Variants in SHTN1 observed in about 807,000 individuals in gnomAD.
SHTN1 encodes shootin-1.
SHTN1 carries 42 observed loss-of-function variants against 83.1 expected under a neutral mutation model. The observed-to-expected ratio is 0.51, with a 90% CI of 0.39 to 0.65. The LOEUF (loss-of-function observed/expected upper bound fraction) is 0.65, where lower values mean the gene tolerates loss of function less well. Among genes scored for constraint, SHTN1 ranks in the 30% least tolerant of loss-of-function variants. The probability of loss-of-function intolerance (pLI) is 0.00; values close to 1 mark genes in which losing one functional copy is unlikely to be tolerated. For missense variants in SHTN1, 622 were observed against 737.8 expected (o/e 0.84, Z 1.82); for synonymous variants, 224 against 247.7 (o/e 0.90, Z 0.90).
rs1311031751 is a variant in SHTN1 at position 116,884,623 on chromosome 10, T to A, written c.*1721A>T. On this transcript the variant is annotated 3_prime_UTR_variant, in exon 17 of 17. Transcript: ENST00000355371. ...TGTGAGTTGCATGCTGGCAGACAGA[T>A]CACAGATGCAAGAAGGAAGACAGCA... 5.8e-6 allele frequency: 1 copy of A among 173,024 alleles called. No individual in the cohort carries two copies. 10.7% of individuals were successfully genotyped at this position (173,024 alleles called of 1,614,324 possible).
At chr10:117,125,081 A>T (rs1853983272) in intron 1 of SHTN1, among the ~76,000 whole-genome samples, 1 of 152,130 alleles carries the variant, frequency 6.6e-6, no homozygotes, top group South Asian at 2.1e-4. Context: ...CTGGCCTCAA[A>T]GCCACTTATA....
chr10:117,041,170 C>T (rs1045452195), intron 2 of SHTN1, among the ~76,000 whole-genome samples: 2 of 151,662 alleles, frequency 1.3e-5, no homozygotes, highest in Non-Finnish European at 2.9e-5. Context: ...AGCTCACACA[C>T]CTCTTGAGGA....
At chr10:117,052,376 C>A (rs1274555610) in intron 1 of SHTN1, among the ~76,000 whole-genome samples, 1 of 152,022 alleles carries the variant, frequency 6.6e-6, no homozygotes, top group East Asian at 1.9e-4. Context: ...ATATTCAATG[C>A]AATCCCTAGC....
At chr10:117,097,654 A>G (rs1853523530) in intron 1 of SHTN1, among the ~76,000 whole-genome samples, 1 of 152,218 alleles carries the variant, frequency 6.6e-6, no homozygotes, top group South Asian at 2.1e-4. Flanking sequence ...TACTAAAACT[A>G]CACCAAGTGC....
At chr10:117,069,897 C>A (rs1282580454) in intron 1 of SHTN1, among the ~76,000 whole-genome samples, 1 of 152,024 alleles carries the variant, frequency 6.6e-6, no homozygotes, top group Non-Finnish European at 1.5e-5. Context: ...TTATATCTAG[C>A]CAACAGATTG....
intron 1 of SHTN1, among the ~76,000 whole-genome samples, chr10:117,094,517 T>C (rs1484350133): frequency 6.6e-6 from 1 of 152,204 alleles, no homozygotes; most frequent in African/African-American, 2.4e-5. Context: ...GTTATTACCA[T>C]GTGTTTCTTT....
chr10:116,936,841 T>C (rs1564885885), intron 9 of SHTN1, among the ~76,000 whole-genome samples: 1 of 152,214 alleles, frequency 6.6e-6, no homozygotes. Context: ...TGAATCTGAG[T>C]GCTCCTGTAT....
chr10:116,989,616 G>A (rs1468967515), intron 1 of SHTN1, among the ~76,000 whole-genome samples: 1 of 152,106 alleles, frequency 6.6e-6, no homozygotes, highest in African/African-American at 2.4e-5. Flanking sequence ...TGGCACCAGA[G>A]GAATCTGCAA....
intron 1 of SHTN1, among the ~76,000 whole-genome samples, chr10:116,994,999 G>C (rs1384976662): frequency 6.6e-6 from 1 of 151,948 alleles, no homozygotes; most frequent in African/African-American, 2.4e-5. Context: ...GATATTCCTA[G>C]AAATCTAACA....
At chr10:117,019,292 C>A (rs561425007) in intron 2 of SHTN1, among the ~76,000 whole-genome samples, 1 of 151,766 alleles carries the variant, frequency 6.6e-6, no homozygotes, top group Non-Finnish European at 1.5e-5. Flanking sequence ...CAAGTGATTC[C>A]ACCATCTCAG....
chr10:116,926,868 A>C (rs2133373588), intron 11 of SHTN1, among the ~76,000 whole-genome samples: 1 of 152,324 alleles, frequency 6.6e-6, no homozygotes, highest in Middle Eastern at 3.4e-3. Context: ...GTGGAACCAC[A>C]AAAAAGGCAA....
chr10:116,995,375 T>C (rs1254248803), intron 1 of SHTN1, among the ~76,000 whole-genome samples: 1 of 152,124 alleles, frequency 6.6e-6, no homozygotes, highest in Non-Finnish European at 1.5e-5. Flanking sequence ...AAATTAAGAA[T>C]TAATTACATG....
Position 116,944,920 on chromosome 10 carries a change from C to T in SHTN1, c.711+4G>A, listed in dbSNP as rs1388417878. 6.3e-7 allele frequency: 1 copy of T among 1,576,148 alleles called. No homozygotes were observed. The highest frequency in any genetic ancestry group is 8.7e-7 in the Non-Finnish European group (1 of 1,145,958). On this transcript the variant is annotated splice_donor_region_variant and intron_variant, in intron 8 of 16. Coordinates refer to ENST00000355371, the MANE Select transcript of SHTN1 (RefSeq NM_001127211.3). ...AAAAAATAAGATTTTTACAAGATAC[C>T]CACCTCTTGTGCAAATGACTCTGCT...
chr10:117,039,109 G>A (rs1410347321), intron 2 of SHTN1, among the ~76,000 whole-genome samples: 3 of 152,190 alleles, frequency 2.0e-5, no homozygotes, highest in Non-Finnish European at 4.4e-5. Flanking sequence ...TTCAGTACAT[G>A]AGTGATAAAT....
At chr10:116,983,594 G>A (rs1851107964) in intron 1 of SHTN1, among the ~76,000 whole-genome samples, 1 of 151,918 alleles carries the variant, frequency 6.6e-6, no homozygotes, top group Non-Finnish European at 1.5e-5. Flanking sequence ...CCTGCTTCAA[G>A]ATTGTGATTT....
At chr10:117,125,665 CTTTT>C (rs1457127731) in intron 1 of SHTN1, among the ~76,000 whole-genome samples, 2 of 152,154 alleles carry the variant, frequency 1.3e-5, no homozygotes, top group Non-Finnish European at 2.9e-5. Flanking sequence ...ATTTCCTTTT[CTTTT>C]TCTCTCCCCT....
At chr10:116,942,968 A>G (rs1032068094) in intron 8 of SHTN1, among the ~76,000 whole-genome samples, 1 of 152,260 alleles carries the variant, frequency 6.6e-6, no homozygotes, top group Admixed American at 6.5e-5. Context: ...CTGAGAATGC[A>G]TAAACTTTGT....
At chr10:116,985,513 GATT>G (rs757721678) in intron 1 of SHTN1, among the ~76,000 whole-genome samples, 1 of 152,022 alleles carries the variant, frequency 6.6e-6, no homozygotes, top group African/African-American at 2.4e-5. Context: ...CTGACATATA[GATT>G]ATTTGATAAA....
rs200915422 is a variant in SHTN1, at chr10:117,013,386, CT to C, written c.-122-34079del. 1.2e-3 allele frequency among the ~76,000 whole-genome samples: 189 copies of C among 152,288 alleles called. 1 individual carries two copies. In the East Asian group the frequency reaches 0.017, roughly 14 times the overall value. Reference sequence around the variant, plus strand: ...ACAGGGTTTCACTATGTTGGCCAGGCTGATCTCAAACTCTTGATCTCAGGTG... The same window carrying C: ...ACAGGGTTTCACTATGTTGGCCAGGCGATCTCAAACTCTTGATCTCAGGTG... On this transcript the variant is annotated intron_variant, in intron 2 of 17. Coordinates refer to the SHTN1 transcript ENST00000392901.
Sources: allele counts gnomAD v4.1 joint callset (sites outside exome capture counted in the v4.1 genomes callset), GRCh38; gene constraint gnomAD v4.1.1; transcripts MANE v1.5; gene names NCBI Gene and HGNC (gene_info 2026-07-23, HGNC 2026-07-21).